Variants in HLA-DPB1 observed in about 807,000 individuals in gnomAD.
HLA-DPB1 encodes the protein major histocompatibility complex, class II, DP beta 1.
HLA-DPB1 carries 30 observed loss-of-function variants against 29.4 expected under a neutral mutation model. The ratio of observed to expected loss-of-function variants is 1.02; its 90% confidence interval spans 0.76 to 1.38. The LOEUF (loss-of-function observed/expected upper bound fraction) is 1.38, where lower values mean the gene tolerates loss of function less well. Ranked by LOEUF, HLA-DPB1 falls within the 40% of genes most tolerant of loss-of-function variation. The probability of loss-of-function intolerance (pLI) is 0.00; values close to 1 mark genes in which losing one functional copy is unlikely to be tolerated. For synonymous variants in HLA-DPB1, 114 were observed against 134.0 expected, an observed-to-expected ratio of 0.85 and a Z score of 1.03; for missense variants, 261 against 327.5, an observed-to-expected ratio of 0.80 and a Z score of 1.57.
At chr6:33,084,909 ATC>A (rs1196024825) in intron 2 of HLA-DPB1, 39 bp from the exon 3 acceptor site, 1 of 1,174,556 alleles carries the variant, frequency 8.5e-7, no homozygotes, top group Non-Finnish European at 1.2e-6. Context: ...AAGAAGGACA[ATC>A]TCAAATTCTA....
rs1562159321 is a variant in HLA-DPB1, at chr6:33,085,907, G to A, written c.757+18G>A. On this transcript the variant is annotated intron_variant, in intron 4 of 5. Transcript: ENST00000418931. ...CAAGAAAGGTGAGAAAGCCTGCAGG[G>A]TGAGCGGGACTTACCTTCCCCTGGC... 3 of 1,521,032 alleles carry A rather than the reference G, an allele frequency of 2.0e-6. No individual in the cohort carries two copies. The highest frequency in any genetic ancestry group is 2.7e-6 in the Non-Finnish European group (3 of 1,099,640). The allele number at this position is 1,521,032 out of a possible 1,614,324, so 94.2% of individuals were successfully genotyped here.
chr6:33,083,956 G>A (rs1762982466), intron 2 of HLA-DPB1: 2 of 61,898 alleles, frequency 3.2e-5, no homozygotes, highest in African/African-American at 2.5e-4. Flanking sequence ...GCACAGAGGA[G>A]GAACTTGAAA....
chr6:33,086,164 A>G, intron 4 of HLA-DPB1, 55 bp from the exon 5 acceptor site: 1 of 1,419,752 alleles, frequency 7.0e-7, no homozygotes, highest in South Asian at 1.1e-5. Context: ...TGTTTCTCTA[A>G]TTATCTGAGG....
intron 2 of HLA-DPB1, among the ~76,000 whole-genome samples, chr6:33,083,262 C>T (rs1313929477): frequency 1.3e-5 from 2 of 152,148 alleles, no homozygotes; most frequent in Non-Finnish European, 2.9e-5. Context: ...TTACCTGGCC[C>T]AGCGCCATGT....
At position 33,080,170 on chromosome 6, in the gene HLA-DPB1, G is replaced by C. The variant is rs1017012630; in HGVS notation, c.101-502G>C. On this transcript the variant is annotated intron_variant, in intron 1 of 5. Transcript: ENST00000418931. This position sits in a 1 kb window ranked among gnomAD's most constrained non-coding sequence, Gnocchi z 4.3. Reference sequence around the variant, plus strand: ...GAGGAATTCTCAAGAAACTGGTCGAGAAGAGAGAGCGCTTAGCTATGGAAA... The same window carrying C: ...GAGGAATTCTCAAGAAACTGGTCGACAAGAGAGAGCGCTTAGCTATGGAAA... 1.3e-5 allele frequency among the ~76,000 whole-genome samples: 2 copies of C among 152,186 alleles called. No homozygotes were observed. The highest frequency in any genetic ancestry group is 1.3e-4 in the Admixed American group (2 of 15,286).
rs9277522 is a variant in HLA-DPB1 at position 33,086,576 on chromosome 6, G to A, written c.*42G>A. 109,140 of 517,258 alleles carry A rather than the reference G, an allele frequency of 0.21. 24,376 individuals are homozygous for A. The highest frequency in any genetic ancestry group is 0.54 in the African/African-American group (26,388 of 49,178). The allele number at this position is 517,258 out of a possible 1,614,324, so 32.0% of individuals were successfully genotyped here. A position where few individuals can be genotyped will look rare whatever the true frequency, so the allele number is the denominator to read the frequency against. On this transcript the variant is annotated 3_prime_UTR_variant, in exon 6 of 6. Coordinates refer to ENST00000418931, the MANE Select transcript of HLA-DPB1 (RefSeq NM_002121.6). The stretch of plus-strand genomic sequence containing the variant: ...CACTGAAAAGACTATTGTGCCTTAG[G>A]AAAAGCATTTGCTGTGTTTCGTTAG...
At position 33,080,174 on chromosome 6, in the gene HLA-DPB1, A is replaced by G. The variant is rs1420299418; in HGVS notation, c.101-498A>G. On this transcript the variant is annotated intron_variant, in intron 1 of 5. Coordinates refer to ENST00000418931, the MANE Select transcript of HLA-DPB1 (RefSeq NM_002121.6). This position sits in a 1 kb window ranked among gnomAD's most constrained non-coding sequence, Gnocchi z 4.3. ...AATTCTCAAGAAACTGGTCGAGAAG[A>G]GAGAGCGCTTAGCTATGGAAAAGAG... Among the ~76,000 whole-genome samples the G allele has an allele frequency of 6.6e-6, 1 of 152,188 alleles. No individual in the cohort carries two copies. The highest frequency in any genetic ancestry group is 1.5e-5 in the Non-Finnish European group (1 of 68,040).
rs142567249 is a variant in HLA-DPB1 at position 33,085,303 on chromosome 6, T to C, written c.646+72T>C. 8.9e-4 allele frequency: 1,164 copies of C among 1,307,760 alleles called. 10 individuals are homozygous for C. The African/African-American group carries it at 0.01, about 11-fold the overall frequency. The allele number at this position is 1,307,760 out of a possible 1,614,324, so 81.0% of individuals were successfully genotyped here. A position where few individuals can be genotyped will look rare whatever the true frequency, so the allele number is the denominator to read the frequency against. ...ACTCTCTGGCTCTGGGGTCCACTCA[T>C]CTTATCTTCTGCATCTATACCCTGG... is the stretch of plus-strand genomic sequence containing the variant. On this transcript the variant is annotated intron_variant, in intron 3 of 5. Transcript: ENST00000418931.
chr6:33,084,144 A>G (rs1442096800), intron 2 of HLA-DPB1: 1 of 152,128 alleles, frequency 6.6e-6, no homozygotes, highest in Non-Finnish European at 1.5e-5. Context: ...ACAGGCCACC[A>G]TAATGCCATT....
Position 33,085,063 on chromosome 6 carries a change from C to T in HLA-DPB1, c.478C>T (p.Leu160=), listed in dbSNP as rs2003894424. The change falls in exon 3 of 6, where the codon CTG becomes TTG. Residue 160 remains leucine, a synonymous_variant. Transcript: ENST00000418931. Reference sequence around the variant, plus strand: ...AGGCAGCATTCAAGTCCGATGGTTCCTGAATGGACAGGAGGAAACAGCTGG... The same window carrying T: ...AGGCAGCATTCAAGTCCGATGGTTCTTGAATGGACAGGAGGAAACAGCTGG... ...YPGSIQVRWF[L]NGQEETAGVV... 1 of 1,613,770 alleles carries T rather than the reference C, an allele frequency of 6.2e-7. No individual in the cohort carries two copies. Among genetic ancestry groups the T allele is most frequent in the Middle Eastern group, 1.6e-4 (1 of 6,062 alleles).
At chr6:33,077,866 C>T (rs189942034) in intron 1 of HLA-DPB1, among the ~76,000 whole-genome samples, 10 of 151,758 alleles carry the variant, frequency 6.6e-5, no homozygotes, top group Admixed American at 4.6e-4. Context: ...GCCCTAAAAC[C>T]TCTTATCTAT....
At position 33,084,756 on chromosome 6, in the gene HLA-DPB1, G is replaced by A. The variant is rs112573360; in HGVS notation, c.365-194G>A. Among the ~76,000 whole-genome samples, 267 of 118,088 alleles carry A rather than the reference G, an allele frequency of 2.3e-3. 4 individuals are homozygous for A. The highest frequency in any genetic ancestry group is 9.5e-3 in the African/African-American group (180 of 19,002). 77.5% of individuals were successfully genotyped at this position (118,088 alleles called of 152,430 possible). A position where few individuals can be genotyped will look rare whatever the true frequency, so the allele number is the denominator to read the frequency against. On this transcript the variant is annotated intron_variant, in intron 2 of 5. Coordinates refer to ENST00000418931, the MANE Select transcript of HLA-DPB1 (RefSeq NM_002121.6). ...GGAGGTTGCAGTGAGCCAATATTGC[G>A]CCACTGCATTCCAGACTTGGCAACA... is the stretch of plus-strand genomic sequence containing the variant.
chr6:33,084,485 C>T (rs1763007499), intron 2 of HLA-DPB1, among the ~76,000 whole-genome samples: 1 of 152,100 alleles, frequency 6.6e-6, no homozygotes, highest in South Asian at 2.1e-4. Context: ...AGTGAACATG[C>T]CTAAGAAATA....
At chr6:33,081,067 G>C (rs550324771) in intron 2 of HLA-DPB1, 132 bp downstream of exon 2, 18 of 1,075,776 alleles carry the variant, frequency 1.7e-5, no homozygotes, top group Non-Finnish European at 2.1e-5. Flanking sequence ...GGGATTCATG[G>C]GGGGAGCCCA....
intron 3 of HLA-DPB1, 113 bp from the exon 4 acceptor site, chr6:33,085,666 C>A: frequency 1.3e-6 from 1 of 775,268 alleles, no homozygotes; most frequent in Non-Finnish European, 2.3e-6. Flanking sequence ...AAGCTTTTTC[C>A]GCTGCACTGT....
intron 2 of HLA-DPB1, chr6:33,081,226 A>G (rs56276901): frequency 0.035 from 15,795 of 454,008 alleles, 674 homozygotes; most frequent in African/African-American, 0.14. Flanking sequence ...AGGACAGCGC[A>G]CAAGGGTATG....
intron 3 of HLA-DPB1, 146 bp from the exon 4 acceptor site, chr6:33,085,633 C>T (rs1763061870): frequency 4.5e-6 from 3 of 671,136 alleles, no homozygotes; most frequent in African/African-American, 1.8e-5. Flanking sequence ...ATGAGGGTGG[C>T]TCTTTCTGAA....
Position 33,086,533 on chromosome 6 carries a change from C to G in HLA-DPB1, c.*5-6C>G, listed in dbSNP as rs1763114261. The G allele has an allele frequency of 1.5e-6, 1 of 656,684 alleles. No individual in the cohort carries two copies. The highest frequency in any genetic ancestry group is 1.9e-5 in the African/African-American group (1 of 54,000). 40.7% of individuals were successfully genotyped at this position (656,684 alleles called of 1,614,324 possible). A position where few individuals can be genotyped will look rare whatever the true frequency, so the allele number is the denominator to read the frequency against. ...ACCTGGGATAACTTGTCTTTTACCC[C>G]CACAGGGTTCCTGAGCTCACTGAAA... On this transcript the variant is annotated splice_region_variant and splice_polypyrimidine_tract_variant and intron_variant, in intron 5 of 5. Coordinates refer to ENST00000418931, the MANE Select transcript of HLA-DPB1 (RefSeq NM_002121.6).
chr6:33,085,055 GA>G lies in HLA-DPB1; in HGVS notation c.471del (p.Trp158GlyfsTer3). The G allele has an allele frequency of 1.2e-6, 2 of 1,613,636 alleles. No individual in the cohort carries two copies. The highest frequency in any genetic ancestry group is 1.7e-6 in the Non-Finnish European group (2 of 1,179,966). ...TDFYPGSIQVRWFLNGQEETA... is the reference protein window; with the variant it reads ...TDFYPGSIQVXWFLNGQEETA... ...TTCTACCCAGGCAGCATTCAAGTCC[GA>G]TGGTTCCTGAATGGACAGGAGGAAA... On this transcript the variant is annotated frameshift_variant, in exon 3 of 6. Transcript: ENST00000418931. LOFTEE classifies it high-confidence loss of function.
Sources: gnomAD v4.1 joint callset for allele counts (sites outside exome capture counted in the v4.1 genomes callset) on GRCh38, gnomAD v4.1.1 for gene constraint, Gnocchi (gnomAD v3.1) non-coding constraint, MANE v1.5 for transcripts, NCBI Gene and HGNC (gene_info 2026-07-23, HGNC 2026-07-21) for gene names.